The following CNTNAP2 variants were observed in gnomAD, a reference collection of about 807,000 sequenced individuals.
The protein encoded by CNTNAP2 is contactin-associated protein-like 2.
A neutral mutation model predicts 155.2 loss-of-function variants in CNTNAP2; 98 were observed. That is an observed-to-expected ratio of 0.63 (90% CI 0.54 to 0.75). The LOEUF (loss-of-function observed/expected upper bound fraction) is 0.75. Ranked by LOEUF, CNTNAP2 falls within the 30% of genes least tolerant of loss-of-function variation. The pLI, the probability that CNTNAP2 is intolerant of heterozygous loss-of-function variation, is 0.00. For synonymous variants in CNTNAP2, 651 were observed against 631.2 expected (o/e 1.03, Z -0.47); for missense variants, 1,727 against 1,688.1 (o/e 1.02, Z -0.40).
chr7:147,161,943 A>G (rs1802034444), intron 8 of CNTNAP2: 1 of 152,148 alleles, frequency 6.6e-6, no homozygotes, highest in Non-Finnish European at 1.5e-5. Flanking sequence ...TTTTATCATA[A>G]TACTTCTTCA....
intron 11 of CNTNAP2, among the ~76,000 whole-genome samples, chr7:147,514,311 A>G (rs566821768): frequency 6.6e-6 from 1 of 152,068 alleles, no homozygotes; most frequent in African/African-American, 2.4e-5. Flanking sequence ...ATAGATGTAG[A>G]TAGATTTTTA....
At chr7:148,149,782 C>T (rs1805262183) in intron 17 of CNTNAP2, among the ~76,000 whole-genome samples, 1 of 151,994 alleles carries the variant, frequency 6.6e-6, no homozygotes. Flanking sequence ...AAACTCCTGA[C>T]CTCAGGTGAT....
At chr7:147,740,503 T>C (rs78488563) in intron 13 of CNTNAP2, among the ~76,000 whole-genome samples, 4,797 of 152,252 alleles carry the variant, frequency 0.032, 247 homozygotes, top group African/African-American at 0.11. Context: ...AATTGTCAGA[T>C]GTAACAAAGA....
At position 146,151,692 on chromosome 7, in the gene CNTNAP2, A is replaced by G. The variant is rs1171807364; in HGVS notation, c.97+34719A>G. ...TATATATATATATATGTATATATAT[A>G]TATATGTATATATATATATATGTAT... On this transcript the variant is annotated intron_variant, in intron 1 of 23. Transcript: ENST00000361727. Among the ~76,000 whole-genome samples, 20 of 39,054 alleles carry G rather than the reference A, an allele frequency of 5.1e-4. 1 individual carries two copies. The highest frequency in any genetic ancestry group is 2.2e-3 in the South Asian group (3 of 1,378). The allele number at this position is 39,054 out of a possible 152,430, so 25.6% of individuals were successfully genotyped here.
rs931519075 is a variant in CNTNAP2, at chr7:148,209,478, T to C, written c.3011-7810T>C. Among the ~76,000 whole-genome samples the C allele has an allele frequency of 3.3e-5, 5 of 151,954 alleles. No homozygotes were observed. The East Asian group carries it at 5.8e-4, about 18-fold the overall frequency. On this transcript the variant is annotated intron_variant, in intron 18 of 23. Coordinates refer to ENST00000361727, the MANE Select transcript of CNTNAP2 (RefSeq NM_014141.6). ...TGCCATATCCCCAACCCCACCAAGATTGCCTGCCTCTGTGTTCCCATAATC... is the reference window on the plus strand; with the variant it reads ...TGCCATATCCCCAACCCCACCAAGACTGCCTGCCTCTGTGTTCCCATAATC...
intron 8 of CNTNAP2, among the ~76,000 whole-genome samples, chr7:147,227,506 A>G (rs760214493): frequency 6.6e-6 from 1 of 152,200 alleles, no homozygotes; most frequent in Non-Finnish European, 1.5e-5. Flanking sequence ...TATTACAAAT[A>G]TCCAGGTCGT....
chr7:146,921,443 A>G (rs1039952019), intron 3 of CNTNAP2, among the ~76,000 whole-genome samples: 1 of 152,094 alleles, frequency 6.6e-6, no homozygotes, highest in Admixed American at 6.6e-5. Flanking sequence ...GTCGTGTATT[A>G]GTTCTCATGC....
chr7:147,411,440 CCAAT>C (rs1797101192), intron 10 of CNTNAP2, among the ~76,000 whole-genome samples: 1 of 151,978 alleles, frequency 6.6e-6, no homozygotes, highest in Non-Finnish European at 1.5e-5. Context: ...GAACAGAGAC[CCAAT>C]CAGTTTTCCA....
intron 14 of CNTNAP2, among the ~76,000 whole-genome samples, chr7:147,906,419 C>T (rs1799958758): frequency 6.6e-6 from 1 of 152,104 alleles, no homozygotes. Context: ...GATCCACCCT[C>T]AGCCTCCCAC....
intron 15 of CNTNAP2, among the ~76,000 whole-genome samples, chr7:148,060,963 T>C (rs1383612682): frequency 1.3e-5 from 2 of 152,212 alleles, no homozygotes; most frequent in East Asian, 1.9e-4. Flanking sequence ...CAGAATGGTA[T>C]GATCAAAGTG....
chr7:146,238,642 A>C (rs978130538), intron 1 of CNTNAP2, among the ~76,000 whole-genome samples: 1 of 152,200 alleles, frequency 6.6e-6, no homozygotes, highest in Non-Finnish European at 1.5e-5. Context: ...GCATAAGAAG[A>C]AACACGAGAG....
At chr7:147,645,820 T>G (rs1358776044) in intron 13 of CNTNAP2, among the ~76,000 whole-genome samples, 1 of 152,184 alleles carries the variant, frequency 6.6e-6, no homozygotes, top group Non-Finnish European at 1.5e-5. Flanking sequence ...TGTCAGCATA[T>G]TCAATGATTC....
At chr7:146,638,358 T>C (rs1799634386) in intron 1 of CNTNAP2, among the ~76,000 whole-genome samples, 1 of 152,032 alleles carries the variant, frequency 6.6e-6, no homozygotes, top group African/African-American at 2.4e-5. Context: ...CTTATACACA[T>C]ACTTTATTTT....
At chr7:147,978,237 C>T in intron 15 of CNTNAP2, 1 of 513,632 alleles carries the variant, frequency 1.9e-6, no homozygotes. Flanking sequence ...AGTTTGACTA[C>T]CTAAGTTTAT....
chr7:146,921,247 C>A (rs1163148481), intron 3 of CNTNAP2, among the ~76,000 whole-genome samples: 1 of 151,796 alleles, frequency 6.6e-6, no homozygotes, highest in Non-Finnish European at 1.5e-5. Flanking sequence ...TGCAGAATTG[C>A]AACATAAAAA....
chr7:148,275,923 G>A (rs990060783), intron 21 of CNTNAP2, among the ~76,000 whole-genome samples: 5 of 152,158 alleles, frequency 3.3e-5, no homozygotes, highest in East Asian at 3.9e-4. Context: ...TGGGAGTTAC[G>A]GTTGTGACAT....
At chr7:147,406,618 T>C (rs1447464077) in intron 10 of CNTNAP2, among the ~76,000 whole-genome samples, 1 of 152,236 alleles carries the variant, frequency 6.6e-6, no homozygotes, top group African/African-American at 2.4e-5. Context: ...ATAAGTACTT[T>C]GTTGTCTTTG....
Position 147,108,358 on chromosome 7 carries a change from C to A in CNTNAP2, c.754+8C>A. 1.2e-6 allele frequency: 2 copies of A among 1,610,434 alleles called. No individual in the cohort carries two copies. The highest frequency in any genetic ancestry group is 2.2e-5 in the South Asian group (2 of 90,770). On this transcript the variant is annotated splice_region_variant and intron_variant, in intron 5 of 23. Coordinates refer to ENST00000361727, the MANE Select transcript of CNTNAP2 (RefSeq NM_014141.6). ...TCCTCAGTTTAAACTTAGGTGTGTT[C>A]TGACTGTCAGTTCTATTCTTTCCGT...
At chr7:147,889,628 T>A (rs1375600951) in intron 13 of CNTNAP2, among the ~76,000 whole-genome samples, 4 of 152,310 alleles carry the variant, frequency 2.6e-5, no homozygotes, top group African/African-American at 9.6e-5. Context: ...AATATTGATG[T>A]CTCAGTAATT....
Sources: allele counts gnomAD v4.1 joint callset (sites outside exome capture counted in the v4.1 genomes callset), GRCh38; gene constraint gnomAD v4.1.1; transcripts MANE v1.5; gene names NCBI Gene and HGNC (gene_info 2026-07-23, HGNC 2026-07-21).